The following BLTP1 variants were observed in gnomAD, a reference collection of about 807,000 sequenced individuals.
BLTP1 encodes bridge-like lipid transfer protein family member 1.
At chr4:122,324,674 A>C in the BLTP1 span, 1 of 603,702 alleles carries the variant, frequency 1.7e-6, no homozygotes, top group Non-Finnish European at 2.7e-6. Context: ...ATAACAGTGG[A>C]TACTATCAAA....
At chr4:122,174,808 T>A in the BLTP1 span, among the ~76,000 whole-genome samples, 34 of 152,148 alleles carry the variant, frequency 2.2e-4, no homozygotes, top group Non-Finnish European at 3.8e-4. Context: ...TGAATTGATG[T>A]TTTAAAATAT....
chr4:122,263,866 A>G, the BLTP1 span, among the ~76,000 whole-genome samples: 1 of 152,200 alleles, frequency 6.6e-6, no homozygotes, highest in Non-Finnish European at 1.5e-5. Context: ...TTTAAGTGGT[A>G]AATGAAAAAA....
the BLTP1 span, chr4:122,328,463 C>G: frequency 1.6e-5 from 17 of 1,033,108 alleles, no homozygotes; most frequent in Non-Finnish European, 2.3e-5. Flanking sequence ...TTTAATGTGC[C>G]TCGCTTGAGT....
the BLTP1 span, chr4:122,336,870 A>G: frequency 6.3e-7 from 1 of 1,589,684 alleles, no homozygotes; most frequent in Admixed American, 1.9e-5. Context: ...TTAACCAAAT[A>G]TTTTAAACAG....
At chr4:122,350,325 T>G in the BLTP1 span, 10 of 985,140 alleles carry the variant, frequency 1.0e-5, no homozygotes, top group Non-Finnish European at 1.2e-5. Context: ...TCCACGCTCT[T>G]GAATAGTGTT....
At chr4:122,278,336 AT>A in the BLTP1 span, among the ~76,000 whole-genome samples, 10 of 151,936 alleles carry the variant, frequency 6.6e-5, no homozygotes, top group Non-Finnish European at 1.3e-4. Flanking sequence ...GCACCCTTTA[AT>A]TTTTTTTCTT....
the BLTP1 span, chr4:122,267,663 A>G: frequency 1.1e-6 from 1 of 948,472 alleles, no homozygotes; most frequent in Non-Finnish European, 1.3e-6. Context: ...TAGCCATCAG[A>G]AACAAATAGA....
At chr4:122,281,446 G>C in the BLTP1 span, 1 of 1,428,698 alleles carries the variant, frequency 7.0e-7, no homozygotes, top group Non-Finnish European at 9.2e-7. Flanking sequence ...GTATATATTT[G>C]CTATTTTTCA....
chr4:122,312,864 AT>A, the BLTP1 span: 4 of 843,292 alleles, frequency 4.7e-6, no homozygotes, highest in African/African-American at 7.4e-5. Context: ...ACAAAAGGAC[AT>A]TAAAGATATA....
the BLTP1 span, among the ~76,000 whole-genome samples, chr4:122,332,440 A>G: frequency 1.4e-4 from 22 of 151,992 alleles, no homozygotes; most frequent in African/African-American, 5.1e-4. Context: ...TCAACCTAAT[A>G]TATTCAAATG....
the BLTP1 span, chr4:122,347,537 C>T: frequency 1.2e-6 from 2 of 1,612,976 alleles, no homozygotes; most frequent in African/African-American, 1.3e-5. Context: ...GGCCCAGGGA[C>T]ACCTGATTCC....
chr4:122,250,616 A>G, the BLTP1 span: 1 of 1,568,636 alleles, frequency 6.4e-7, no homozygotes, highest in Non-Finnish European at 8.8e-7. Context: ...GCTTTAGAAA[A>G]ATAACAAAGA....
At chr4:122,204,535 C>T in the BLTP1 span, 1 of 984,790 alleles carries the variant, frequency 1.0e-6, no homozygotes, top group East Asian at 1.1e-4. Flanking sequence ...CATTTAAGAA[C>T]AATTTTCAGA....
At chr4:122,328,354 C>A in the BLTP1 span, 1 of 1,605,258 alleles carries the variant, frequency 6.2e-7, no homozygotes, top group South Asian at 1.1e-5. Context: ...TACAGGAAAC[C>A]CTCGTGAGTA....
the BLTP1 span, chr4:122,281,412 T>C: frequency 7.4e-7 from 1 of 1,359,848 alleles, no homozygotes. Context: ...TGATCTGATA[T>C]TGGAAAGAAA....
chr4:122,331,672 A>T, the BLTP1 span: 1 of 1,428,860 alleles, frequency 7.0e-7, no homozygotes, highest in Non-Finnish European at 9.1e-7. Context: ...TATAGTTATA[A>T]TGGTCAAGTG....
the BLTP1 span, chr4:122,235,227 G>A: frequency 2.0e-6 from 1 of 497,648 alleles, no homozygotes; most frequent in Non-Finnish European, 2.6e-6. Flanking sequence ...TTAGAAGTAG[G>A]TCTGCTATTC....
At chr4:122,175,115 T>C in the BLTP1 span, 1 of 980,062 alleles carries the variant, frequency 1.0e-6, no homozygotes, top group Non-Finnish European at 1.2e-6. Context: ...GAAATGTTCC[T>C]TCTTCTGTAA....
chr4:122,153,013 T>G, the BLTP1 span: 1 of 985,420 alleles, frequency 1.0e-6, no homozygotes. Flanking sequence ...ACCCCCGCTT[T>G]CTTCTCTGGG....
Sources: allele counts gnomAD v4.1 joint callset (sites outside exome capture counted in the v4.1 genomes callset), GRCh38; gene constraint gnomAD v4.1.1; transcripts MANE v1.5; gene names NCBI Gene and HGNC (gene_info 2026-07-23, HGNC 2026-07-21).